Variants in PTPRD observed in about 807,000 individuals in gnomAD.
PTPRD encodes protein tyrosine phosphatase receptor type D, also known as receptor-type tyrosine-protein phosphatase delta.
Under a neutral mutation model 214.5 loss-of-function variants are expected in PTPRD, and 34 were observed. The observed-to-expected ratio is 0.16, with a 90% CI of 0.12 to 0.21. The LOEUF (loss-of-function observed/expected upper bound fraction) is 0.21. PTPRD is among the 10% of genes least tolerant of loss of function. The pLI, the probability that PTPRD is intolerant of heterozygous loss-of-function variation, is 1.00. For synonymous variants in PTPRD, 1,128 were observed against 845.7 expected, an observed-to-expected ratio of 1.33 and a Z score of -5.79; for missense variants, 2,545 against 2,398.7, an observed-to-expected ratio of 1.06 and a Z score of -1.27.
At chr9:8,726,018 G>GAC (rs1434692999) in intron 12 of PTPRD, among the ~76,000 whole-genome samples, 9 of 133,074 alleles carry the variant, frequency 6.8e-5, no homozygotes, top group African/African-American at 2.8e-4. Context: ...CAGACAGACA[G>GAC]ACAGACAGAC....
intron 9 of PTPRD, among the ~76,000 whole-genome samples, chr9:9,266,780 A>G (rs987314682): frequency 6.6e-6 from 1 of 151,282 alleles, no homozygotes; most frequent in Admixed American, 6.6e-5. Flanking sequence ...AATACAACAT[A>G]TAAAAACTCG....
At chr9:9,454,201 C>A (rs912269026) in intron 8 of PTPRD, among the ~76,000 whole-genome samples, 1 of 151,614 alleles carries the variant, frequency 6.6e-6, no homozygotes, top group Non-Finnish European at 1.5e-5. Context: ...GATGAGCTAA[C>A]AAAGGTTTAA....
chr9:10,280,090 A>T (rs2154393016), intron 3 of PTPRD, among the ~76,000 whole-genome samples: 1 of 152,316 alleles, frequency 6.6e-6, no homozygotes, highest in Non-Finnish European at 1.5e-5. Context: ...ACAATAAACC[A>T]TTATATATAC....
At chr9:9,393,232 G>A (rs1482068721) in intron 9 of PTPRD, among the ~76,000 whole-genome samples, 1 of 152,036 alleles carries the variant, frequency 6.6e-6, no homozygotes, top group African/African-American at 2.4e-5. Flanking sequence ...CTCCAGGTAT[G>A]CGTATACTTG....
At chr9:10,252,996 G>A (rs892338818) in intron 3 of PTPRD, among the ~76,000 whole-genome samples, 5 of 152,078 alleles carry the variant, frequency 3.3e-5, no homozygotes, top group Non-Finnish European at 1.5e-5. Flanking sequence ...ATTGGCCAGA[G>A]TGGTCTCAAA....
chr9:10,316,245 A>G (rs1011179788), intron 3 of PTPRD, among the ~76,000 whole-genome samples: 7 of 151,038 alleles, frequency 4.6e-5, no homozygotes, highest in African/African-American at 1.7e-4. Flanking sequence ...TATACAAAAT[A>G]TAAGAAAAGT....
At position 8,499,005 on chromosome 9, in the gene PTPRD, A is replaced by C. The variant is rs376182624; in HGVS notation, c.2322+642T>G. 3.2e-4 allele frequency among the ~76,000 whole-genome samples: 49 copies of C among 151,988 alleles called. No homozygotes were observed. In the East Asian group the frequency reaches 9.3e-3, roughly 29 times the overall value. ...CTAAGATCAATACAATTTCTCACAT[A>C]CTCAACTACTCATTTTTAGTACCTT... On this transcript the variant is annotated intron_variant, in intron 25 of 45. Transcript: ENST00000381196.
intron 7 of PTPRD, among the ~76,000 whole-genome samples, chr9:9,597,241 G>T (rs1010542254): frequency 6.6e-6 from 1 of 151,948 alleles, no homozygotes; most frequent in Non-Finnish European, 1.5e-5. Flanking sequence ...CCCCACCGCA[G>T]GATATCATCC....
At chr9:8,807,410 C>G (rs2096709104) in intron 11 of PTPRD, among the ~76,000 whole-genome samples, 1 of 152,086 alleles carries the variant, frequency 6.6e-6, no homozygotes, top group Non-Finnish European at 1.5e-5. Context: ...TTCACAGACT[C>G]CAGCTTATTT....
chr9:9,365,149 A>G lies in PTPRD; in HGVS notation c.-203+32300T>C, dbSNP rs116439973. Among the ~76,000 whole-genome samples the G allele has an allele frequency of 3.6e-3, 553 of 151,626 alleles. 3 individuals carry two copies. The highest frequency in any genetic ancestry group is 0.013 in the African/African-American group (539 of 41,468). ...CAGAGGTTAAATACTATCAGCAGAG[A>G]GGACAAATACAAAATATTGGATCAC... is the stretch of plus-strand genomic sequence containing the variant. On this transcript the variant is annotated intron_variant, in intron 9 of 45. Coordinates refer to ENST00000381196, the MANE Select transcript of PTPRD (RefSeq NM_002839.4).
chr9:8,807,270 G>A (rs374704183), intron 11 of PTPRD, among the ~76,000 whole-genome samples: 1 of 152,124 alleles, frequency 6.6e-6, no homozygotes, highest in Non-Finnish European at 1.5e-5. Context: ...CCGGGAGGCA[G>A]AGGTTGCAGT....
At chr9:10,197,321 A>T (rs2099402122) in intron 3 of PTPRD, among the ~76,000 whole-genome samples, 1 of 152,148 alleles carries the variant, frequency 6.6e-6, no homozygotes, top group East Asian at 1.9e-4. Context: ...AATTAAACTG[A>T]GTTTAAAATA....
At chr9:8,928,109 G>C (rs1297881391) in intron 11 of PTPRD, among the ~76,000 whole-genome samples, 6 of 152,188 alleles carry the variant, frequency 3.9e-5, no homozygotes, top group African/African-American at 1.4e-4. Flanking sequence ...TTTGCCCTTT[G>C]TCAGATGGAT....
intron 2 of PTPRD, among the ~76,000 whole-genome samples, chr9:10,530,525 A>G (rs1357416692): frequency 6.6e-6 from 1 of 152,150 alleles, no homozygotes; most frequent in Non-Finnish European, 1.5e-5. Flanking sequence ...TTGTCAGAAA[A>G]AGAAGTCAAT....
intron 2 of PTPRD, among the ~76,000 whole-genome samples, chr9:10,419,231 T>C (rs1431763379): frequency 6.6e-6 from 1 of 151,926 alleles, no homozygotes; most frequent in African/African-American, 2.4e-5. Flanking sequence ...TGATATCCCA[T>C]CAGTGGTCAA....
intron 11 of PTPRD, among the ~76,000 whole-genome samples, chr9:8,735,867 C>T (rs1442803939): frequency 6.9e-6 from 1 of 145,260 alleles, no homozygotes; most frequent in Non-Finnish European, 1.5e-5. Flanking sequence ...AGCCAAGGTC[C>T]TGCCACTGCA....
intron 11 of PTPRD, among the ~76,000 whole-genome samples, chr9:8,775,747 G>A (rs1055220309): frequency 3.9e-5 from 6 of 152,110 alleles, no homozygotes; most frequent in African/African-American, 1.4e-4. Context: ...ACTTTGGGAG[G>A]CCAAGGCAGG....
At chr9:8,697,571 C>T (rs1461768071) in intron 12 of PTPRD, among the ~76,000 whole-genome samples, 3 of 150,948 alleles carry the variant, frequency 2.0e-5, no homozygotes, top group African/African-American at 4.9e-5. Flanking sequence ...TACAGGTGCC[C>T]GCCACCACAC....
In PTPRD at chr9:9,489,555, T is replaced by G. The variant is rs1344411152; in HGVS notation, c.-237+85177A>C. On this transcript the variant is annotated intron_variant, in intron 8 of 45. Coordinates refer to ENST00000381196, the MANE Select transcript of PTPRD (RefSeq NM_002839.4). ...ATAGGAGCAAAGTGGTGATATTGAT[T>G]TAGAGCTAGAAAACCTAAAACGAAA... 2.0e-5 allele frequency among the ~76,000 whole-genome samples: 3 copies of G among 152,022 alleles called. No homozygotes were observed. The East Asian group carries it at 5.8e-4, about 29-fold the overall frequency.
Sources: gnomAD v4.1 joint callset for allele counts (sites outside exome capture counted in the v4.1 genomes callset) on GRCh38, gnomAD v4.1.1 for gene constraint, MANE v1.5 for transcripts, NCBI Gene and HGNC (gene_info 2026-07-23, HGNC 2026-07-21) for gene names.